Variants in NTF4 observed in about 807,000 individuals in gnomAD.
The protein encoded by NTF4 is neurotrophin-4.
In NTF4, 2 loss-of-function variants were observed where a neutral mutation model predicts 4.4. That is an observed-to-expected ratio of 0.46 (90% CI 0.19 to 1.44). NTF4 has a LOEUF of 1.44. NTF4 is among the 40% of genes most tolerant of loss of function. The probability of loss-of-function intolerance (pLI) is 0.26; values close to 1 mark genes in which losing one functional copy is unlikely to be tolerated. For synonymous variants in NTF4, 127 were observed against 122.0 expected, an observed-to-expected ratio of 1.04 and a Z score of -0.27; for missense variants, 260 against 293.0, an observed-to-expected ratio of 0.89 and a Z score of 0.82.
downstream of NTF4, among the ~76,000 whole-genome samples, chr19:49,059,193 C>T (rs2040102979): frequency 6.6e-6 from 1 of 152,168 alleles, no homozygotes; most frequent in African/African-American, 2.4e-5. Context: ...CTGCCCACCT[C>T]GGGGTAACGA....
chr19:49,059,701 T>C (rs2040109759), downstream of NTF4, among the ~76,000 whole-genome samples: 1 of 152,088 alleles, frequency 6.6e-6, no homozygotes, highest in Non-Finnish European at 1.5e-5. Flanking sequence ...TGAAGGGCTA[T>C]TGTGAAGGCC....
downstream of NTF4, chr19:49,058,470 TC>T: frequency 1.7e-6 from 1 of 602,518 alleles, no homozygotes; most frequent in Non-Finnish European, 2.8e-6. Context: ...GCATCCAAAT[TC>T]CCTGGCGCCT....
chr19:49,061,358 A>G lies in NTF4; in HGVS notation c.*7T>C, dbSNP rs781438973. ...ATCCAGCTCTGTTATTTTCCTGGGC[A>G]TGGGTCTCAGGCCCGGCCAGTCCGG... On this transcript the variant is annotated 3_prime_UTR_variant, in exon 1 of 1. Transcript: ENST00000593537. This position sits in a 1 kb window ranked among gnomAD's most constrained non-coding sequence, Gnocchi z 4.9. 7 of 1,611,852 alleles carry G rather than the reference A, an allele frequency of 4.3e-6. No individual in the cohort carries two copies. In the South Asian group the frequency reaches 7.7e-5, roughly 18 times the overall value.
chr19:49,062,981 C>G (rs1284772379), upstream of NTF4, among the ~76,000 whole-genome samples: 1 of 151,794 alleles, frequency 6.6e-6, no homozygotes, highest in Non-Finnish European at 1.5e-5. Flanking sequence ...GAGGAACCGA[C>G]AGTCTTGCAT....
upstream of NTF4, chr19:49,064,889 C>G (rs1268961095): frequency 6.6e-6 from 1 of 152,312 alleles, no homozygotes; most frequent in African/African-American, 2.4e-5. Flanking sequence ...CCGTCCCTCC[C>G]CACCCGAGGG....
chr19:49,058,671 T>G, downstream of NTF4: 1 of 282,572 alleles, frequency 3.5e-6, no homozygotes, highest in Non-Finnish European at 6.6e-6. Flanking sequence ...ACGTAGCTGC[T>G]GGTGAGATGC....
At position 49,061,523 on chromosome 19, in the gene NTF4, G is replaced by A. The variant is rs764263332; in HGVS notation, c.475C>T (p.Arg159Trp). The change falls in exon 1 of 1, where the codon CGG (arginine) becomes TGG (tryptophan). Residue 159 changes from arginine to tryptophan, a missense_variant. Transcript: ENST00000593537. This position sits in a 1 kb window ranked among gnomAD's most constrained non-coding sequence, Gnocchi z 4.9. ...ACCCAGTGCCTCCTGTCCACTCCCC[G>A]GCAGCCCCCTCCACCTGCCCCCGGG... 30 of 1,613,948 alleles carry A rather than the reference G, an allele frequency of 1.9e-5. No homozygotes were observed. The East Asian group carries it at 2.5e-4, about 13-fold the overall frequency.
upstream of NTF4, among the ~76,000 whole-genome samples, chr19:49,063,198 G>A (rs570125480): frequency 6.6e-6 from 1 of 151,830 alleles, no homozygotes; most frequent in Non-Finnish European, 1.5e-5. Flanking sequence ...ATAGAGATGG[G>A]GTTTCACCAT....
In NTF4 at chr19:49,061,386, G is replaced by A; in HGVS notation, c.612C>T (p.Leu204=). 1 of 1,612,720 alleles carries A rather than the reference G, an allele frequency of 6.2e-7. No individual in the cohort carries two copies. Among genetic ancestry groups the A allele is most frequent in the Non-Finnish European group, 8.5e-7 (1 of 1,180,032 alleles). ...GGTCTCAGGCCCGGCCAGTCCGGCT[G>A]AGGAGTGTGCAGACGCAGGCAGTGT... Residue 204 remains leucine, a synonymous_variant, in exon 1 of 1, where the codon CTC becomes CTT. Coordinates refer to ENST00000593537, the Ensembl canonical transcript of NTF4. This position sits in a 1 kb window ranked among gnomAD's most constrained non-coding sequence, Gnocchi z 4.9.
upstream of NTF4, chr19:49,065,032 C>T (rs940108644): frequency 6.5e-6 from 1 of 152,734 alleles, no homozygotes; most frequent in African/African-American, 2.4e-5. Flanking sequence ...CAGGGACGCT[C>T]GCTGGCCCGC....
At chr19:49,060,867 A>G (rs11669977), downstream of NTF4, 28,945 of 174,356 alleles carry the variant, frequency 0.17, 2,592 homozygotes, top group Admixed American at 0.21. Flanking sequence ...AAGATTTCCC[A>G]TTTGAACCCC....
At chr19:49,058,552 T>C (rs1322599202), downstream of NTF4, 5 of 490,218 alleles carry the variant, frequency 1.0e-5, no homozygotes, top group East Asian at 1.7e-4. Context: ...TCCCCTTTTC[T>C]CAGCCCCCAT....
At chr19:49,062,295 C>G (rs1321197971), upstream of NTF4, among the ~76,000 whole-genome samples, 1 of 152,032 alleles carries the variant, frequency 6.6e-6, no homozygotes, top group African/African-American at 2.4e-5. Context: ...CCAGAGCAGC[C>G]TGGCCAACAT....
At chr19:49,060,036 C>CAAAAACAAAAAA (rs2040113801), downstream of NTF4, among the ~76,000 whole-genome samples, 2 of 28,418 alleles carry the variant, frequency 7.0e-5, no homozygotes, top group African/African-American at 3.4e-4. Context: ...GACTCCATCT[C>CAAAAACAAAAAA]AAAAAAAAAA....
rs932386085 is a variant in NTF4, at chr19:49,061,805, C to T, written c.193G>A (p.Gly65Arg). The change falls in exon 1 of 1, where the codon GGG becomes AGG. Residue 65 changes from glycine (G) to arginine (R), a missense_variant. Gly to Arg is a moderately radical substitution (Grantham distance 125). Coordinates refer to ENST00000593537, the Ensembl canonical transcript of NTF4. This position sits in a 1 kb window ranked among gnomAD's most constrained non-coding sequence, Gnocchi z 4.9. ...GCACCTGCTGACTCCCGAAAGGCCC[C>T]AGCCTCCAGCAGGAAGAGCAGAGGG... The T allele has an allele frequency of 6.4e-7, 1 of 1,553,696 alleles. No individual in the cohort carries two copies. Among genetic ancestry groups the T allele is most frequent in the Non-Finnish European group, 8.7e-7 (1 of 1,149,080 alleles).
In NTF4 at chr19:49,061,678, C is replaced by T. The variant is rs377741315; in HGVS notation, c.320G>A (p.Arg107His). ...CCCACGCAAGTCCACAGCGGTCCGG[C>T]GGTCTGTCACCCAGCCACTGACTGC... The change falls in exon 1 of 1, where the codon CGC becomes CAC. Residue 107 changes from arginine (R) to histidine (H), a missense_variant. Arg to His is a conservative substitution (Grantham distance 29). Transcript: ENST00000593537. The surrounding 1 kb of genome is among the most constrained non-coding windows in gnomAD (Gnocchi z 4.9). 1.2e-5 allele frequency: 19 copies of T among 1,613,092 alleles called. No individual in the cohort carries two copies. The highest frequency in any genetic ancestry group is 6.7e-5 in the Admixed American group (4 of 59,990).
At chr19:49,064,112 C>T (rs1000344385), upstream of NTF4, 2 of 152,266 alleles carry the variant, frequency 1.3e-5, no homozygotes, top group African/African-American at 4.8e-5. Context: ...GAGATTACAT[C>T]CCCCTCGGCC....
upstream of NTF4, among the ~76,000 whole-genome samples, chr19:49,062,590 G>C (rs1053806639): frequency 6.6e-6 from 1 of 152,076 alleles, no homozygotes; most frequent in Non-Finnish European, 1.5e-5. Context: ...TTCCAGACCA[G>C]CTTGGTCAAC....
Position 49,061,829 on chromosome 19 carries a change from G to C in NTF4, c.169C>G (p.Pro57Ala), listed in dbSNP as rs1265886814. ...CCAGCCTCCAGCAGGAAGAGCAGAG[G>C]GGGCCCAGCAGGGGCACCCCTAGAC... The change falls in exon 1 of 1, where the codon CCT becomes GCT. Residue 57 changes from proline (P) to alanine (A), a missense_variant. Transcript: ENST00000593537. This position sits in a 1 kb window ranked among gnomAD's most constrained non-coding sequence, Gnocchi z 4.9. The C allele has an allele frequency of 6.4e-7, 1 of 1,551,358 alleles. No homozygotes were observed. The highest frequency in any genetic ancestry group is 8.7e-7 in the Non-Finnish European group (1 of 1,147,534).
Sources: allele counts gnomAD v4.1 joint callset (sites outside exome capture counted in the v4.1 genomes callset), GRCh38; gene constraint gnomAD v4.1.1; non-coding constraint Gnocchi (gnomAD v3.1); transcripts MANE v1.5; gene names NCBI Gene and HGNC (gene_info 2026-07-23, HGNC 2026-07-21).